Variants in CDKAL1 observed in about 807,000 individuals in gnomAD.
CDKAL1 encodes the protein threonylcarbamoyladenosine tRNA methylthiotransferase.
Under a neutral mutation model 68.2 loss-of-function variants are expected in CDKAL1, and 32 were observed. The observed-to-expected ratio is 0.47, with a 90% CI of 0.35 to 0.63. CDKAL1 has a LOEUF of 0.63. Among genes scored for constraint, CDKAL1 ranks in the 30% least tolerant of loss-of-function variants. The probability of loss-of-function intolerance (pLI) is 0.00; values close to 1 mark genes in which losing one functional copy is unlikely to be tolerated. For synonymous variants in CDKAL1, 234 were observed against 244.3 expected (o/e 0.96, Z 0.39); for missense variants, 606 against 696.7 (o/e 0.87, Z 1.47).
chr6:20,939,296 G>A (rs1763867908), intron 9 of CDKAL1, among the ~76,000 whole-genome samples: 1 of 152,118 alleles, frequency 6.6e-6, no homozygotes, highest in African/African-American at 2.4e-5. Context: ...ATTGGTCACT[G>A]TTGGAGATCT....
chr6:20,924,108 G>A (rs895978750), intron 9 of CDKAL1, among the ~76,000 whole-genome samples: 1 of 151,518 alleles, frequency 6.6e-6, no homozygotes, highest in Non-Finnish European at 1.5e-5. Flanking sequence ...GAATGCAAAA[G>A]AGGTTATTGA....
At chr6:20,746,600 TG>T (rs1773673708) in intron 6 of CDKAL1, among the ~76,000 whole-genome samples, 1 of 152,220 alleles carries the variant, frequency 6.6e-6, no homozygotes, top group Non-Finnish European at 1.5e-5. Flanking sequence ...AAGTTAATAT[TG>T]AACTTTGACT....
intron 4 of CDKAL1, among the ~76,000 whole-genome samples, chr6:20,631,232 C>A (rs1395107434): frequency 6.6e-6 from 1 of 152,192 alleles, no homozygotes; most frequent in Non-Finnish European, 1.5e-5. Context: ...ACTGTCCTCC[C>A]TACCCCAGTG....
intron 15 of CDKAL1, among the ~76,000 whole-genome samples, chr6:21,224,391 G>A (rs1324753459): frequency 6.6e-6 from 1 of 152,188 alleles, no homozygotes; most frequent in East Asian, 1.9e-4. Flanking sequence ...GCCAGGCGTG[G>A]TGACACGCGC....
At chr6:20,640,038 G>A (rs1768096819) in intron 4 of CDKAL1, among the ~76,000 whole-genome samples, 1 of 152,236 alleles carries the variant, frequency 6.6e-6, no homozygotes, top group South Asian at 2.1e-4. Flanking sequence ...TCTTATTAAA[G>A]CATACTCTAT....
intron 5 of CDKAL1, 106 bp from the exon 6 acceptor site, chr6:20,739,413 G>T: frequency 1.6e-6 from 1 of 615,522 alleles, no homozygotes; most frequent in Admixed American, 3.3e-5. Context: ...TGTTTCATGT[G>T]AGATAGGCCT....
chr6:20,732,271 T>TC (rs1772982169), intron 5 of CDKAL1, among the ~76,000 whole-genome samples: 2 of 114,448 alleles, frequency 1.7e-5, no homozygotes, highest in Non-Finnish European at 3.9e-5. Flanking sequence ...TTCTTTTTTT[T>TC]TTTTTTTTTT....
intron 2 of CDKAL1, among the ~76,000 whole-genome samples, chr6:20,537,762 C>T (rs1581690801): frequency 6.6e-6 from 1 of 152,240 alleles, no homozygotes. Flanking sequence ...TTGATTTCCT[C>T]TACCTTTGAG....
chr6:21,023,885 C>G (rs1480597465), intron 11 of CDKAL1, among the ~76,000 whole-genome samples: 1 of 152,042 alleles, frequency 6.6e-6, no homozygotes, highest in African/African-American at 2.4e-5. Flanking sequence ...GTTAGTTACT[C>G]ACATGGTGTG....
intron 8 of CDKAL1, among the ~76,000 whole-genome samples, chr6:20,788,890 T>A (rs1018110326): frequency 6.6e-6 from 1 of 152,190 alleles, no homozygotes; most frequent in African/African-American, 2.4e-5. Flanking sequence ...ACAAAAAAAA[T>A]TCATCTTAGT....
At chr6:20,781,491 T>A (rs979558778) in intron 8 of CDKAL1, among the ~76,000 whole-genome samples, 3 of 151,392 alleles carry the variant, frequency 2.0e-5, no homozygotes, top group African/African-American at 7.4e-5. Flanking sequence ...TTTTTGGTAA[T>A]AAACATAATA....
intron 6 of CDKAL1, among the ~76,000 whole-genome samples, chr6:20,749,103 C>T (rs1314558630): frequency 6.6e-6 from 1 of 152,010 alleles, no homozygotes; most frequent in Admixed American, 6.6e-5. Flanking sequence ...TTCATGCAGT[C>T]TTAATAAGAG....
intron 9 of CDKAL1, among the ~76,000 whole-genome samples, chr6:20,856,979 C>T (rs922479332): frequency 6.6e-6 from 1 of 152,116 alleles, no homozygotes; most frequent in East Asian, 1.9e-4. Flanking sequence ...AATTTCTTCT[C>T]CTGCTTGTGT....
chr6:20,580,195 G>A (rs893568288), intron 4 of CDKAL1, among the ~76,000 whole-genome samples: 2 of 152,164 alleles, frequency 1.3e-5, no homozygotes, highest in African/African-American at 2.4e-5. Context: ...GCAGTAGGTT[G>A]TTGACATTTG....
intron 9 of CDKAL1, among the ~76,000 whole-genome samples, chr6:20,953,296 T>C (rs1050473074): frequency 6.6e-6 from 1 of 152,230 alleles, no homozygotes; most frequent in African/African-American, 2.4e-5. Flanking sequence ...CCATTCCTAT[T>C]CATAGCGATT....
intron 11 of CDKAL1, among the ~76,000 whole-genome samples, chr6:21,005,105 T>C (rs1305251343): frequency 6.6e-6 from 1 of 152,224 alleles, no homozygotes; most frequent in Non-Finnish European, 1.5e-5. Context: ...TGATTCTTTT[T>C]TCTTTTTTCA....
At chr6:21,163,053 C>T (rs911371839) in intron 13 of CDKAL1, among the ~76,000 whole-genome samples, 1 of 152,202 alleles carries the variant, frequency 6.6e-6, no homozygotes, top group Non-Finnish European at 1.5e-5. Context: ...CTATGGTAAT[C>T]ACAGTGAGGC....
At chr6:21,098,356 A>T (rs780664130) in intron 12 of CDKAL1, among the ~76,000 whole-genome samples, 4 of 152,082 alleles carry the variant, frequency 2.6e-5, no homozygotes, top group Non-Finnish European at 5.9e-5. Context: ...GGGAGACTGT[A>T]GGGGGAATGA....
rs183355353 is a variant in CDKAL1, at chr6:20,829,852, A to T, written c.639-16223A>T. On this transcript the variant is annotated intron_variant, in intron 8 of 15. Transcript: ENST00000274695. ...ATTCATTTATGCAAATGATTTTTAC[A>T]GTAGGTTTGCTGTTATTTACTTTTA... is the stretch of plus-strand genomic sequence containing the variant. Among the ~76,000 whole-genome samples, 3 of 152,308 alleles carry T rather than the reference A, an allele frequency of 2.0e-5. No homozygotes were observed. The East Asian group carries it at 5.8e-4, about 29-fold the overall frequency.
Sources: gnomAD v4.1 joint callset for allele counts (sites outside exome capture counted in the v4.1 genomes callset) on GRCh38, gnomAD v4.1.1 for gene constraint, MANE v1.5 for transcripts, NCBI Gene and HGNC (gene_info 2026-07-23, HGNC 2026-07-21) for gene names.